ADAMTS19: variants seen among roughly 807,000 people sequenced by gnomAD.
ADAMTS19 encodes the protein A disintegrin and metalloproteinase with thrombospondin motifs 19.
ADAMTS19 carries 93 observed loss-of-function variants against 153.3 expected under a neutral mutation model. The observed-to-expected ratio is 0.61, with a 90% CI of 0.51 to 0.72. The LOEUF (loss-of-function observed/expected upper bound fraction) is 0.72. Among genes scored for constraint, ADAMTS19 ranks in the 30% least tolerant of loss-of-function variants. ADAMTS19 has a pLI of 0.00. For synonymous variants in ADAMTS19, 600 were observed against 556.6 expected, an observed-to-expected ratio of 1.08 and a Z score of -1.10; for missense variants, 1,482 against 1,552.1, an observed-to-expected ratio of 0.95 and a Z score of 0.76.
chr5:129,544,542 A>G (rs1321822040), intron 6 of ADAMTS19, among the ~76,000 whole-genome samples: 1 of 152,166 alleles, frequency 6.6e-6, no homozygotes, highest in Admixed American at 6.6e-5. Context: ...AAATGTTCCC[A>G]TTATGAACAT....
chr5:129,594,699 A>G lies in ADAMTS19; in HGVS notation c.1373-1860A>G, dbSNP rs151024627. Among the ~76,000 whole-genome samples, 755 of 151,460 alleles carry G rather than the reference A, an allele frequency of 5.0e-3. 6 individuals are homozygous for G. The highest frequency in any genetic ancestry group is 0.017 in the African/African-American group (703 of 40,896). The stretch of plus-strand genomic sequence containing the variant: ...ATTTAGCTCTCTTAAAATTCATGTT[A>G]TCTTTTATGTTTAAATCAAATTTTA... On this transcript the variant is annotated intron_variant, in intron 7 of 22. Coordinates refer to ENST00000274487, the MANE Select transcript of ADAMTS19 (RefSeq NM_133638.6).
At chr5:129,666,063 T>G (rs1427112111) in intron 16 of ADAMTS19, among the ~76,000 whole-genome samples, 2 of 151,406 alleles carry the variant, frequency 1.3e-5, no homozygotes, top group Non-Finnish European at 2.9e-5. Context: ...AGGACTTGAT[T>G]TTTTAATGGA....
At chr5:129,621,471 T>C (rs1751772195) in intron 9 of ADAMTS19, among the ~76,000 whole-genome samples, 1 of 152,220 alleles carries the variant, frequency 6.6e-6, no homozygotes, top group Non-Finnish European at 1.5e-5. Flanking sequence ...CTTTATTCAC[T>C]TTTGTATATC....
In ADAMTS19 at chr5:129,620,650, C is replaced by A; in HGVS notation, c.1511C>A (p.Ser504Ter). The change falls in exon 9 of 23, where the codon TCG becomes TAG. Residue 504 changes from serine (S) to a stop codon, truncating the protein, a stop_gained. Transcript: ENST00000274487. LOFTEE classifies it high-confidence loss of function. ...MGINHDNDHP[S>*]CADGLHIMSG... ...ATTAACCATGACAATGACCACCCAT[C>A]GTGTGCTGATGGTCTTCATATCATG... 1 of 1,610,748 alleles carries A rather than the reference C, an allele frequency of 6.2e-7. No individual in the cohort carries two copies. Among genetic ancestry groups the A allele is most frequent in the South Asian group, 1.1e-5 (1 of 90,620 alleles).
intron 2 of ADAMTS19, among the ~76,000 whole-genome samples, chr5:129,508,086 T>A (rs894132935): frequency 6.6e-6 from 1 of 151,998 alleles, no homozygotes. Context: ...GTGCCACTTA[T>A]AAGTGGATCA....
intron 8 of ADAMTS19, among the ~76,000 whole-genome samples, 167 bp from the exon 9 acceptor site, chr5:129,620,451 G>T (rs966880336): frequency 3.9e-5 from 6 of 151,958 alleles, no homozygotes; most frequent in African/African-American, 2.4e-5. Context: ...AATTTAAAAA[G>T]TTAACTTAAT....
At chr5:129,732,506 G>C (rs1561676081) in intron 21 of ADAMTS19, among the ~76,000 whole-genome samples, 1 of 151,964 alleles carries the variant, frequency 6.6e-6, no homozygotes, top group Non-Finnish European at 1.5e-5. Flanking sequence ...GTAGAAGCAT[G>C]TCTATACACA....
At chr5:129,540,307 T>C (rs757445332) in intron 6 of ADAMTS19, among the ~76,000 whole-genome samples, 7 of 152,088 alleles carry the variant, frequency 4.6e-5, no homozygotes, top group Non-Finnish European at 1.0e-4. Context: ...GTCATATATT[T>C]GTCAAATTGT....
At chr5:129,688,619 T>TA (rs1755196249) in intron 18 of ADAMTS19, among the ~76,000 whole-genome samples, 1 of 152,178 alleles carries the variant, frequency 6.6e-6, no homozygotes, top group Non-Finnish European at 1.5e-5. Flanking sequence ...AATATTGCCT[T>TA]AAAATCTCTG....
chr5:129,680,746 A>AG (rs1195061359), intron 17 of ADAMTS19, among the ~76,000 whole-genome samples: 1 of 145,884 alleles, frequency 6.9e-6, no homozygotes, highest in African/African-American at 2.6e-5. Flanking sequence ...TGGGTGACAG[A>AG]GGGAGACTCT....
intron 2 of ADAMTS19, among the ~76,000 whole-genome samples, chr5:129,474,363 ATTTGTGTACATGTC>A (rs1750159178): frequency 1.3e-5 from 2 of 152,062 alleles, no homozygotes; most frequent in African/African-American, 4.8e-5. Flanking sequence ...TACTATAGAT[ATTTGTGTACATGTC>A]TTTGTGTAGA....
At position 129,665,496 on chromosome 5, in the gene ADAMTS19, C is replaced by T. The variant is rs368225192; in HGVS notation, c.2426-3C>T. On this transcript the variant is annotated splice_region_variant and splice_polypyrimidine_tract_variant and intron_variant, in intron 15 of 22. Transcript: ENST00000274487. ...TTATTTCATGTTTTATTGACTCTTA[C>T]AGGTTATGTAGAAGTGCTGGTGATA... 1.2e-4 allele frequency: 197 copies of T among 1,599,838 alleles called. 1 individual carries two copies. The highest frequency in any genetic ancestry group is 1.7e-4 in the Middle Eastern group (1 of 6,038).
At chr5:129,552,318 T>G (rs559923787) in intron 7 of ADAMTS19, among the ~76,000 whole-genome samples, 1 of 151,990 alleles carries the variant, frequency 6.6e-6, no homozygotes, top group South Asian at 2.1e-4. Flanking sequence ...AATAAACTGC[T>G]AGATTCAGTA....
chr5:129,582,083 T>G (rs184736244), intron 7 of ADAMTS19, among the ~76,000 whole-genome samples: 226 of 151,720 alleles, frequency 1.5e-3, no homozygotes, highest in African/African-American at 5.2e-3. Context: ...CTGTTGATTT[T>G]GGATGTAGAG....
At chr5:129,460,517 A>C (rs1749611534) in intron 1 of ADAMTS19, 35 bp downstream of exon 1, 1 of 1,613,278 alleles carries the variant, frequency 6.2e-7, no homozygotes, top group Non-Finnish European at 8.5e-7. Flanking sequence ...CTTCCTTTCC[A>C]GCCATCCCAG....
intron 16 of ADAMTS19, among the ~76,000 whole-genome samples, chr5:129,678,668 G>A (rs1754658424): frequency 6.6e-6 from 1 of 152,040 alleles, no homozygotes; most frequent in Admixed American, 6.5e-5. Flanking sequence ...AAATCAATTT[G>A]AAACTGTTTT....
chr5:129,515,516 G>C lies in ADAMTS19; in HGVS notation c.913+6274G>C, dbSNP rs1036400291. On this transcript the variant is annotated intron_variant, in intron 3 of 22. Coordinates refer to ENST00000274487, the MANE Select transcript of ADAMTS19 (RefSeq NM_133638.6). The stretch of plus-strand genomic sequence containing the variant: ...CATTATAGAGGTCTTTCACTTCTTT[G>C]GTTAATTCTTAGATATTTAATTTTA... Among the ~76,000 whole-genome samples, 4 of 151,628 alleles carry C rather than the reference G, an allele frequency of 2.6e-5. No homozygotes were observed. The East Asian group carries it at 7.7e-4, about 29-fold the overall frequency.
At chr5:129,562,258 C>T (rs555774987) in intron 7 of ADAMTS19, among the ~76,000 whole-genome samples, 84 of 152,244 alleles carry the variant, frequency 5.5e-4, no homozygotes, top group African/African-American at 1.7e-3. Context: ...TTTTGTTACA[C>T]AAAAATATTT....
At chr5:129,556,165 A>T (rs1283361256) in intron 7 of ADAMTS19, among the ~76,000 whole-genome samples, 1 of 152,150 alleles carries the variant, frequency 6.6e-6, no homozygotes, top group Non-Finnish European at 1.5e-5. Flanking sequence ...ATGGTTTGGT[A>T]GGTCAGTAGG....
Sources: allele counts gnomAD v4.1 joint callset (sites outside exome capture counted in the v4.1 genomes callset), GRCh38; gene constraint gnomAD v4.1.1; transcripts MANE v1.5; gene names NCBI Gene and HGNC (gene_info 2026-07-23, HGNC 2026-07-21).